Variants in LINGO1 observed in about 807,000 individuals in gnomAD.
LINGO1 encodes the protein leucine rich repeat and Ig domain containing 1, also known as leucine-rich repeat and immunoglobulin-like domain-containing nogo receptor-interacting protein 1.
A neutral mutation model predicts 37.3 loss-of-function variants in LINGO1; 11 were observed. The ratio of observed to expected loss-of-function variants is 0.29; its 90% confidence interval spans 0.19 to 0.49. The LOEUF is 0.49. Ranked by LOEUF, LINGO1 falls within the 20% of genes least tolerant of loss-of-function variation. LINGO1 has a pLI of 0.99. For missense variants in LINGO1, 585 were observed against 878.2 expected (o/e 0.67, Z 4.22); for synonymous variants, 387 against 403.0 (o/e 0.96, Z 0.48).
At chr15:77,763,799 T>C (rs556340006) in intron 1 of LINGO1, among the ~76,000 whole-genome samples, 1 of 152,316 alleles carries the variant, frequency 6.6e-6, no homozygotes, top group East Asian at 1.9e-4. Context: ...CCCAGGGCTC[T>C]GTGATCCCAA....
chr15:77,787,776 T>G (rs1479718736), upstream of LINGO1: 1 of 152,210 alleles, frequency 6.6e-6, no homozygotes, highest in African/African-American at 2.4e-5. Context: ...GAAGAGCCTC[T>G]TGATTGAAAA....
In LINGO1 at chr15:77,804,920, T is replaced by C. The variant is rs117969736; in HGVS notation, c.-457-8867A>G. 2.4e-4 allele frequency among the ~76,000 whole-genome samples: 36 copies of C among 152,324 alleles called. 1 individual carries two copies. In the East Asian group the frequency reaches 6.8e-3, roughly 29 times the overall value. ...CCTGGGGCCAAGGGAGCCCAAGGGC[T>C]GGATGGGAGTGCTGAGAAGGGCTGG... On this transcript the variant is annotated intron_variant, in intron 1 of 5. Transcript: ENST00000562933.
upstream of LINGO1, among the ~76,000 whole-genome samples, chr15:77,790,141 C>G (rs1389086925): frequency 6.6e-6 from 1 of 152,182 alleles, no homozygotes; most frequent in African/African-American, 2.4e-5. Context: ...GTTTAAGCTA[C>G]CCAGTTTGTG....
rs766733745 is a variant in LINGO1, at chr15:77,614,203, G to A, written c.1704C>T (p.Phe568=). The change falls in exon 2 of 2, where the codon TTC becomes TTT. Residue 568 remains phenylalanine, a synonymous_variant. Coordinates refer to ENST00000355300, the MANE Select transcript of LINGO1 (RefSeq NM_032808.7). ...CCAGGCAGAAGAGGACGACGCCCAG[G>A]AAAGAGATGAAGCCCATGGTGGTGG... is the stretch of plus-strand genomic sequence containing the variant. The part of the protein sequence containing the change: ...IIATTMGFIS[F]LGVVLFCLVL... The A allele has an allele frequency of 1.4e-5, 22 of 1,613,916 alleles. No homozygotes were observed. The South Asian group carries it at 2.3e-4, about 17-fold the overall frequency.
At chr15:77,771,354 G>C (rs188271589) in intron 1 of LINGO1, among the ~76,000 whole-genome samples, 6 of 152,188 alleles carry the variant, frequency 3.9e-5, no homozygotes, top group African/African-American at 1.4e-4. Flanking sequence ...ACTTGCCCAA[G>C]GTCCCCAGTG....
intron 2 of LINGO1, among the ~76,000 whole-genome samples, chr15:77,713,032 T>C (rs968993050): frequency 5.9e-5 from 9 of 152,046 alleles, no homozygotes; most frequent in Admixed American, 1.3e-4. Context: ...GGGGTTTTGG[T>C]TTTTTGTTTG....
intron 1 of LINGO1, among the ~76,000 whole-genome samples, chr15:77,812,290 C>G (rs2141480787): frequency 6.6e-6 from 1 of 152,358 alleles, no homozygotes; most frequent in Admixed American, 6.5e-5. Flanking sequence ...ATGCGGCCAC[C>G]ATCCTCTTGG....
At chr15:77,802,796 T>G (rs1240128766) in intron 1 of LINGO1, among the ~76,000 whole-genome samples, 1 of 152,140 alleles carries the variant, frequency 6.6e-6, no homozygotes, top group Non-Finnish European at 1.5e-5. Context: ...ATGTTCCATC[T>G]GCAGCTGCCA....
chr15:77,777,660 C>T (rs187017756), intron 1 of LINGO1, among the ~76,000 whole-genome samples: 6 of 152,270 alleles, frequency 3.9e-5, no homozygotes, highest in Admixed American at 1.3e-4. Flanking sequence ...GGCTCAGTGG[C>T]TCATGCCTGT....
intron 2 of LINGO1, among the ~76,000 whole-genome samples, chr15:77,730,783 T>A (rs1396038210): frequency 1.3e-5 from 2 of 152,222 alleles, no homozygotes; most frequent in African/African-American, 4.8e-5. Flanking sequence ...CAGGAAGGAC[T>A]TGCAGGCAGG....
At chr15:77,750,746 T>G (rs901137222) in intron 1 of LINGO1, among the ~76,000 whole-genome samples, 2 of 152,266 alleles carry the variant, frequency 1.3e-5, no homozygotes, top group African/African-American at 2.4e-5. Flanking sequence ...AATATTTGGT[T>G]GAGTGCCAAG....
intron 1 of LINGO1, among the ~76,000 whole-genome samples, chr15:77,752,088 T>C (rs2076377691): frequency 6.6e-6 from 1 of 152,212 alleles, no homozygotes; most frequent in South Asian, 2.1e-4. Context: ...AGGATCTATG[T>C]CATCCCAAGG....
chr15:77,786,561 A>G (rs4624137), intron 1 of LINGO1, among the ~76,000 whole-genome samples: 117,663 of 152,158 alleles, frequency 0.77, 45,925 homozygotes, highest in African/African-American at 0.87. Context: ...CCTCGGCTGC[A>G]ATGGCGCCTG....
intron 2 of LINGO1, among the ~76,000 whole-genome samples, chr15:77,731,137 A>G (rs1293863322): frequency 6.6e-6 from 1 of 152,078 alleles, no homozygotes; most frequent in Non-Finnish European, 1.5e-5. Context: ...ACACCCCTCC[A>G]TCCTGGCAGG....
chr15:77,654,372 G>A (rs776033083), intron 3 of LINGO1, among the ~76,000 whole-genome samples: 1 of 152,206 alleles, frequency 6.6e-6, no homozygotes, highest in African/African-American at 2.4e-5. Context: ...TTGCTGGGGG[G>A]AACCAGGGTA....
chr15:77,690,684 G>C (rs1041209215), intron 2 of LINGO1: 8 of 152,224 alleles, frequency 5.3e-5, no homozygotes, highest in African/African-American at 1.9e-4. Flanking sequence ...GTATCTCCAG[G>C]AGCCAGGGAA....
intron 3 of LINGO1, among the ~76,000 whole-genome samples, chr15:77,676,146 G>A (rs1043040732): frequency 8.5e-5 from 13 of 152,342 alleles, no homozygotes; most frequent in East Asian, 3.9e-4. Context: ...GACAGCCTGC[G>A]GCAGCTGGGG....
chr15:77,770,353 C>T (rs1320090420), intron 1 of LINGO1, among the ~76,000 whole-genome samples: 3 of 152,152 alleles, frequency 2.0e-5, no homozygotes, highest in South Asian at 4.2e-4. Flanking sequence ...TTTGGGAGGC[C>T]GAAGCAGGCA....
At chr15:77,630,697 C>T (rs112118784) in intron 1 of LINGO1, among the ~76,000 whole-genome samples, 169 of 152,294 alleles carry the variant, frequency 1.1e-3, no homozygotes, top group South Asian at 6.0e-3. Context: ...CTAAGCCCTA[C>T]CCAGGGGCTC....
Sources: gnomAD v4.1 joint callset for allele counts (sites outside exome capture counted in the v4.1 genomes callset) on GRCh38, gnomAD v4.1.1 for gene constraint, MANE v1.5 for transcripts, NCBI Gene and HGNC (gene_info 2026-07-23, HGNC 2026-07-21) for gene names.